Variants in RAB3C observed in about 807,000 individuals in gnomAD.
RAB3C encodes the protein RAB3C, member RAS oncogene family.
RAB3C carries 17 observed loss-of-function variants against 26.4 expected under a neutral mutation model. The ratio of observed to expected loss-of-function variants is 0.64; its 90% CI spans 0.44 to 0.97. RAB3C has a LOEUF of 0.97. Among genes scored for constraint, RAB3C ranks in the 50% least tolerant of loss-of-function variants. RAB3C has a pLI of 0.00. For missense variants in RAB3C, 242 were observed against 281.9 expected, an observed-to-expected ratio of 0.86 and a Z score of 1.01; for synonymous variants, 91 against 95.9, an observed-to-expected ratio of 0.95 and a Z score of 0.30.
intron 1 of RAB3C, among the ~76,000 whole-genome samples, chr5:58,615,188 C>G (rs1051818425): frequency 1.3e-5 from 2 of 152,004 alleles, no homozygotes; most frequent in African/African-American, 4.8e-5. Flanking sequence ...TTGAGGTATC[C>G]TAGAGATCCT....
intron 2 of RAB3C, among the ~76,000 whole-genome samples, chr5:58,681,210 T>G (rs986859494): frequency 1.1e-4 from 16 of 152,340 alleles, no homozygotes; most frequent in African/African-American, 3.6e-4. Context: ...CCATGTTTAT[T>G]TTATTTCATT....
Position 58,583,160 on chromosome 5 carries a change from A to T in RAB3C, c.-49A>T, listed in dbSNP as rs1353384310. ...CCGGGACTGTGCACGCTTGACCGGA[A>T]GCCCAGACCAGTGCGGTCCTAGCCA... is the stretch of plus-strand genomic sequence containing the variant. On this transcript the variant is annotated 5_prime_UTR_variant, in exon 1 of 5. It adds an upstream start codon to the 5' untranslated region. Transcript: ENST00000282878. 1 of 1,613,860 alleles carries T rather than the reference A, an allele frequency of 6.2e-7. No individual in the cohort carries two copies. The highest frequency in any genetic ancestry group is 2.2e-5 in the East Asian group (1 of 44,862).
chr5:58,823,847 G>C (rs1743408146), intron 3 of RAB3C: 1 of 150,720 alleles, frequency 6.6e-6, no homozygotes, highest in Non-Finnish European at 1.5e-5. Flanking sequence ...TTTAGCATTA[G>C]GTATATCTCC....
intron 4 of RAB3C, among the ~76,000 whole-genome samples, chr5:58,830,140 C>T (rs963077064): frequency 9.2e-5 from 14 of 151,980 alleles, no homozygotes; most frequent in Admixed American, 2.0e-4. Flanking sequence ...CTATATACTC[C>T]GAAACATATT....
At chr5:58,596,535 ATATATAATAC>A in intron 1 of RAB3C, among the ~76,000 whole-genome samples, 2 of 130,436 alleles carry the variant, frequency 1.5e-5, no homozygotes, top group Admixed American at 9.2e-5. Flanking sequence ...TTATATATAA[ATATATAATAC>A]TATATAATAC....
At chr5:58,611,914 G>A (rs970724387) in intron 1 of RAB3C, among the ~76,000 whole-genome samples, 1 of 152,034 alleles carries the variant, frequency 6.6e-6, no homozygotes, top group African/African-American at 2.4e-5. Flanking sequence ...TGTATATCGT[G>A]TAAGGAAGGG....
At chr5:58,710,744 C>T (rs1260976982) in intron 2 of RAB3C, among the ~76,000 whole-genome samples, 1 of 152,090 alleles carries the variant, frequency 6.6e-6, no homozygotes, top group Non-Finnish European at 1.5e-5. Context: ...CCATTTTATC[C>T]TCCTGTTTCA....
At chr5:58,731,846 G>A (rs1741029361) in intron 3 of RAB3C, among the ~76,000 whole-genome samples, 1 of 152,162 alleles carries the variant, frequency 6.6e-6, no homozygotes, top group South Asian at 2.1e-4. Context: ...TGGCTCAGCA[G>A]CAGCAGGAAA....
chr5:58,692,894 G>C (rs1748600064), intron 2 of RAB3C, among the ~76,000 whole-genome samples: 1 of 151,952 alleles, frequency 6.6e-6, no homozygotes, highest in Admixed American at 6.6e-5. Flanking sequence ...GATCACCTGA[G>C]GTTGGGAGTT....
intron 2 of RAB3C, among the ~76,000 whole-genome samples, chr5:58,685,323 C>A (rs1748422475): frequency 6.6e-6 from 1 of 152,110 alleles, no homozygotes; most frequent in Non-Finnish European, 1.5e-5. Flanking sequence ...GAAGAATCTC[C>A]TGTCTTGTGC....
chr5:58,764,232 A>C (rs908882344), intron 3 of RAB3C, among the ~76,000 whole-genome samples: 4 of 152,116 alleles, frequency 2.6e-5, no homozygotes, highest in Non-Finnish European at 1.5e-5. Context: ...CCTTTGTGTA[A>C]ATTTAAAAAG....
intron 2 of RAB3C, among the ~76,000 whole-genome samples, chr5:58,658,414 A>T (rs540467732): frequency 2.0e-5 from 3 of 152,248 alleles, no homozygotes; most frequent in Non-Finnish European, 4.4e-5. Flanking sequence ...TCATCTGCAA[A>T]CAGGAAAGGA....
rs368539222 is a variant in RAB3C, at chr5:58,632,373, C to G, written c.252+14503C>G. Among the ~76,000 whole-genome samples the G allele has an allele frequency of 2.9e-4, 44 of 152,160 alleles. 1 individual carries two copies. The South Asian group carries it at 8.7e-3, about 30-fold the overall frequency. On this transcript the variant is annotated intron_variant, in intron 2 of 4. Coordinates refer to ENST00000282878, the MANE Select transcript of RAB3C (RefSeq NM_138453.4). The stretch of plus-strand genomic sequence containing the variant: ...TTTGTTATAACTGTAGATTTTGAAC[C>G]CCATGTCAAGCCTACTGAATTCATA...
rs954400126 is a variant in RAB3C at position 58,824,889 on chromosome 5, A to G, written c.372-149A>G. The G allele has an allele frequency of 4.5e-5, 25 of 553,004 alleles. No individual in the cohort carries two copies. The Admixed American group carries it at 4.7e-4, about 10-fold the overall frequency. 34.3% of individuals were successfully genotyped at this position (553,004 alleles called of 1,614,324 possible). On this transcript the variant is annotated intron_variant, in intron 3 of 4. Coordinates refer to ENST00000282878, the MANE Select transcript of RAB3C (RefSeq NM_138453.4). ...TATCTGAAGGGTAAAATTGCACTCAACTAATTAACTCTAAATGTCAGGCAT... is the reference window on the plus strand; with the variant it reads ...TATCTGAAGGGTAAAATTGCACTCAGCTAATTAACTCTAAATGTCAGGCAT...
chr5:58,792,994 TAG>T (rs1279890733), intron 3 of RAB3C, among the ~76,000 whole-genome samples: 5 of 152,188 alleles, frequency 3.3e-5, no homozygotes, highest in African/African-American at 9.6e-5. Flanking sequence ...GAAAAATATT[TAG>T]AGTGTTATAT....
At chr5:58,837,372 G>T (rs1743772411) in intron 4 of RAB3C, among the ~76,000 whole-genome samples, 1 of 151,886 alleles carries the variant, frequency 6.6e-6, no homozygotes, top group African/African-American at 2.4e-5. Flanking sequence ...AGTAGAGATG[G>T]GGTTTTGCCA....
intron 3 of RAB3C, among the ~76,000 whole-genome samples, chr5:58,727,707 A>C (rs1450305227): frequency 6.6e-6 from 1 of 151,984 alleles, no homozygotes; most frequent in Admixed American, 6.6e-5. Flanking sequence ...GTAATATGGT[A>C]ATTTTAACCT....
intron 2 of RAB3C, among the ~76,000 whole-genome samples, chr5:58,713,369 A>C (rs1003219999): frequency 3.9e-5 from 6 of 152,242 alleles, no homozygotes; most frequent in Non-Finnish European, 7.3e-5. Flanking sequence ...TTTACATTTT[A>C]AAATGTTAGC....
At chr5:58,605,626 G>A (rs545690007) in intron 1 of RAB3C, among the ~76,000 whole-genome samples, 195 of 152,256 alleles carry the variant, frequency 1.3e-3, no homozygotes, top group Non-Finnish European at 2.3e-3. Flanking sequence ...GGCTGGGCGC[G>A]GTGGCTCACA....
Sources: gnomAD v4.1 joint callset for allele counts (sites outside exome capture counted in the v4.1 genomes callset) on GRCh38, gnomAD v4.1.1 for gene constraint, MANE v1.5 for transcripts, NCBI Gene and HGNC (gene_info 2026-07-23, HGNC 2026-07-21) for gene names.